The following KLHL38 variants were observed in gnomAD, a reference collection of about 807,000 sequenced individuals.
KLHL38 encodes kelch-like protein 38.
In KLHL38, 38 loss-of-function variants were observed where a neutral mutation model predicts 39.6. The ratio of observed to expected loss-of-function variants is 0.96; its 90% CI spans 0.74 to 1.26. The LOEUF (loss-of-function observed/expected upper bound fraction) is 1.26, where lower values mean the gene tolerates loss of function less well. KLHL38 is among the 50% of genes most tolerant of loss of function. KLHL38 has a pLI of 0.00. For missense variants in KLHL38, 803 were observed against 748.1 expected, an observed-to-expected ratio of 1.07 and a Z score of -0.86; for synonymous variants, 322 against 302.2, an observed-to-expected ratio of 1.07 and a Z score of -0.68.
At position 123,645,473 on chromosome 8, in the gene KLHL38, G is replaced by A. The variant is rs924854843; in HGVS notation, c.*266C>T. 1 of 499,284 alleles carries A rather than the reference G, an allele frequency of 2.0e-6. No individual in the cohort carries two copies. The highest frequency in any genetic ancestry group is 3.2e-5 in the East Asian group (1 of 31,538). The allele number at this position is 499,284 out of a possible 1,614,324, so 30.9% of individuals were successfully genotyped here. On this transcript the variant is annotated 3_prime_UTR_variant, in exon 4 of 4. Coordinates refer to ENST00000684634, the MANE Select transcript of KLHL38 (RefSeq NM_001081675.3). ...AAAGAGAGAGAGAGAGAGAGAGAGA[G>A]AGAGAGACAGACAGAGATAGGGGAG...
chr8:123,653,060 C>T (rs1563594503), intron 1 of KLHL38, 133 bp from the exon 2 acceptor site: 1 of 883,564 alleles, frequency 1.1e-6, no homozygotes, highest in Admixed American at 3.0e-5. Context: ...TTGCGGATGT[C>T]ACCATGGATA....
rs924154268 is a variant in KLHL38, at chr8:123,651,602, A to C, written c.1325T>G (p.Met442Arg). The C allele has an allele frequency of 8.8e-6, 14 of 1,597,876 alleles. No individual in the cohort carries two copies. The Admixed American group carries it at 1.7e-4, about 20-fold the overall frequency. ...CTGGATAAGGCGCACAGGGTTCTGC[A>C]TGATGTCCTCTCCTCCAAAGAGATA... ...RLYLFGGEDI[M>R]QNPVRLIQVY... Residue 442 changes from methionine to arginine, a missense_variant, in exon 2 of 4, where the codon ATG (methionine) becomes AGG (arginine). By Grantham distance (91) the Met-to-Arg change is moderately conservative. Coordinates refer to ENST00000684634, the MANE Select transcript of KLHL38 (RefSeq NM_001081675.3).
Position 123,644,541 on chromosome 8 carries a change from A to G in KLHL38, c.*1198T>C, listed in dbSNP as rs564636834. Among the ~76,000 whole-genome samples, 1 of 152,224 alleles carries G rather than the reference A, an allele frequency of 6.6e-6. No individual in the cohort carries two copies. Among genetic ancestry groups the G allele is most frequent in the East Asian group, 1.9e-4 (1 of 5,206 alleles). On this transcript the variant is annotated 3_prime_UTR_variant, in exon 4 of 4. Transcript: ENST00000684634. ...TATCTCTGGAATTTCAATGTACTAC[A>G]TCCATAGAATGCAGAAAAACAAGGT...
Position 123,651,726 on chromosome 8 carries a change from T to C in KLHL38, c.1201A>G (p.Met401Val). ...TTGCAGATGCTGTCATACCTTTCCATGGAGCCCATGAGCTCCTGCCCTTCT... is the reference window on the plus strand; with the variant it reads ...TTGCAGATGCTGTCATACCTTTCCACGGAGCCCATGAGCTCCTGCCCTTCT... ...IGEGQELMGS[M>V]ERYDSICNVW... The change falls in exon 2 of 4, where the codon ATG (methionine) becomes GTG (valine). Residue 401 changes from methionine (M) to valine (V), a missense_variant. Coordinates refer to ENST00000684634, the MANE Select transcript of KLHL38 (RefSeq NM_001081675.3). 5 of 1,614,210 alleles carry C rather than the reference T, an allele frequency of 3.1e-6. No individual in the cohort carries two copies. Among genetic ancestry groups the C allele is most frequent in the Non-Finnish European group, 4.2e-6 (5 of 1,180,026 alleles).
In KLHL38 at chr8:123,644,688, T is replaced by C. The variant is rs538846785; in HGVS notation, c.*1051A>G. Among the ~76,000 whole-genome samples, 1 of 152,232 alleles carries C rather than the reference T, an allele frequency of 6.6e-6. No individual in the cohort carries two copies. Among genetic ancestry groups the C allele is most frequent in the South Asian group, 2.1e-4 (1 of 4,814 alleles). On this transcript the variant is annotated 3_prime_UTR_variant, in exon 4 of 4. Coordinates refer to ENST00000684634, the MANE Select transcript of KLHL38 (RefSeq NM_001081675.3). The stretch of plus-strand genomic sequence containing the variant: ...GGCAGATGTGGTTTTTGTCTGGATT[T>C]CTCTCTTTGGGGAAATGCTTCTAAC...
rs375513752 is a variant in KLHL38, at chr8:123,652,781, C to A, written c.146G>T (p.Arg49Leu). The A allele has an allele frequency of 5.0e-6, 8 of 1,613,982 alleles. No homozygotes were observed. The highest frequency in any genetic ancestry group is 6.8e-6 in the Non-Finnish European group (8 of 1,180,022). ...CAGAREIPCH[R>L]NVLASSSPYF... ...GGGGCTGCTGGAGGCCAGCACGTTGCGGTGGCAGGGGATCTCCCGGGCACC... is the reference window on the plus strand; with the variant it reads ...GGGGCTGCTGGAGGCCAGCACGTTGAGGTGGCAGGGGATCTCCCGGGCACC... Residue 49 changes from arginine to leucine, a missense_variant, in exon 2 of 4, where the codon CGC becomes CTC. Coordinates refer to ENST00000684634, the MANE Select transcript of KLHL38 (RefSeq NM_001081675.3).
At chr8:123,648,551 T>C (rs1251968092) in intron 2 of KLHL38, among the ~76,000 whole-genome samples, 1 of 152,242 alleles carries the variant, frequency 6.6e-6, no homozygotes, top group Non-Finnish European at 1.5e-5. Flanking sequence ...TTTACTTGAA[T>C]GAATAATTGC....
intron 2 of KLHL38, among the ~76,000 whole-genome samples, chr8:123,649,221 G>A (rs1812589840): frequency 6.6e-6 from 1 of 152,150 alleles, no homozygotes; most frequent in South Asian, 2.1e-4. Context: ...AAAAGAAGGA[G>A]GGGCTCCAGC....
intron 3 of KLHL38, among the ~76,000 whole-genome samples, 160 bp from the exon 4 acceptor site, chr8:123,646,188 G>A (rs955458904): frequency 6.6e-6 from 1 of 152,230 alleles, no homozygotes; most frequent in African/African-American, 2.4e-5. Context: ...GGCCTGCTTT[G>A]TGGCAGAGTG....
In KLHL38 at chr8:123,651,845, T is replaced by C. The variant is rs746843693; in HGVS notation, c.1082A>G (p.Asn361Ser). ...HNVYIFSLKL[N>S]QWRLGEPMLV... ...CATGGGCTCCCCCAGCCTCCACTGA[T>C]TGAGTTTCAGGGAGAAGATGTAGAC... is the stretch of plus-strand genomic sequence containing the variant. Residue 361 changes from asparagine to serine, a missense_variant, in exon 2 of 4, where the codon AAT (asparagine) becomes AGT (serine). Transcript: ENST00000684634. 1.9e-5 allele frequency: 31 copies of C among 1,614,162 alleles called. No individual in the cohort carries two copies. Among genetic ancestry groups the C allele is most frequent in the Middle Eastern group, 1.6e-4 (1 of 6,062 alleles).
In KLHL38 at chr8:123,645,935, G is replaced by C. The variant is rs1818656917; in HGVS notation, c.1550C>G (p.Thr517Arg). ...CACGTAGAGTTTGTTTCCCATCACT[G>C]TGGCCCCATGGTGCATCCTCCGGTC... ...MKDRRMHHGA[T>R]VMGNKLYVTG... is the part of the protein sequence containing the mutation. The change falls in exon 4 of 4, where the codon ACA (threonine) becomes AGA (arginine). Residue 517 changes from threonine to arginine, a missense_variant. Physicochemically the swap from Thr to Arg is moderately conservative, Grantham distance 71. Coordinates refer to ENST00000684634, the MANE Select transcript of KLHL38 (RefSeq NM_001081675.3). The C allele has an allele frequency of 2.5e-6, 4 of 1,614,074 alleles. No homozygotes were observed. Among genetic ancestry groups the C allele is most frequent in the Non-Finnish European group, 3.4e-6 (4 of 1,180,030 alleles).
chr8:123,651,961 C>G lies in KLHL38; in HGVS notation c.966G>C (p.Leu322=), dbSNP rs528393188. The stretch of plus-strand genomic sequence containing the variant: ...GCAAGGTGATGGCAGAGGCCTTGTA[C>G]AGCCGTGTCGGGAGTTTGGCAAGGC... The part of the protein sequence containing the change: ...WQSLAKLPTR[L]YKASAITLHR... Residue 322 remains leucine, a synonymous_variant, in exon 2 of 4, where the codon CTG becomes CTC. Coordinates refer to ENST00000684634, the MANE Select transcript of KLHL38 (RefSeq NM_001081675.3). The G allele has an allele frequency of 6.2e-7, 1 of 1,614,258 alleles. No homozygotes were observed. Among genetic ancestry groups the G allele is most frequent in the East Asian group, 2.2e-5 (1 of 44,894 alleles).
rs761841271 is a variant in KLHL38, at chr8:123,652,399, A to G, written c.528T>C (p.Cys176=). The part of the protein sequence containing the change: ...VAASADLKEL[C]ALELRDYLGD... Reference sequence around the variant, plus strand: ...CGAGATAGTCCCTCAACTCCAAGGCACAGAGCTCCTTCAGGTCGGCCGATG... The same window carrying G: ...CGAGATAGTCCCTCAACTCCAAGGCGCAGAGCTCCTTCAGGTCGGCCGATG... Residue 176 remains cysteine, a synonymous_variant, in exon 2 of 4, where the codon TGT becomes TGC. Coordinates refer to ENST00000684634, the MANE Select transcript of KLHL38 (RefSeq NM_001081675.3). The G allele has an allele frequency of 6.2e-7, 1 of 1,614,032 alleles. No homozygotes were observed. The highest frequency in any genetic ancestry group is 1.1e-5 in the South Asian group (1 of 91,074).
intron 2 of KLHL38, among the ~76,000 whole-genome samples, chr8:123,648,674 A>T (rs1301326898): frequency 6.6e-6 from 1 of 152,174 alleles, no homozygotes; most frequent in Non-Finnish European, 1.5e-5. Context: ...ATAACAAAGG[A>T]TGATCTTTGA....
chr8:123,652,219 G>A lies in KLHL38; in HGVS notation c.708C>T (p.Ile236=), dbSNP rs758873671. Residue 236 remains isoleucine (I), a synonymous_variant, in exon 2 of 4, where the codon ATC becomes ATT. Transcript: ENST00000684634. The part of the protein sequence containing the change: ...YIHPAFFHHF[I]ANDALLQSSP... ...AGGACTGCAGGAGGGCATCGTTGGC[G>A]ATGAAGTGGTGAAAGAAGGCTGGGT... The A allele has an allele frequency of 1.3e-5, 21 of 1,614,106 alleles. No individual in the cohort carries two copies. The highest frequency in any genetic ancestry group is 5.0e-5 in the Admixed American group (3 of 60,014).
At position 123,653,015 on chromosome 8, in the gene KLHL38, C is replaced by G; in HGVS notation, c.-1-88G>C. The G allele has an allele frequency of 1.6e-6, 2 of 1,286,822 alleles. 1 individual carries two copies. The highest frequency in any genetic ancestry group is 4.8e-5 in the East Asian group (2 of 41,370). The allele number at this position is 1,286,822 out of a possible 1,614,324, so 79.7% of individuals were successfully genotyped here. ...CTGGAGGGTTCAGCTGTGGGGACTCCAAGACCAGTGCTCCTATTCCATTCC... is the reference window on the plus strand; with the variant it reads ...CTGGAGGGTTCAGCTGTGGGGACTCGAAGACCAGTGCTCCTATTCCATTCC... On this transcript the variant is annotated intron_variant, in intron 1 of 3. Coordinates refer to ENST00000684634, the MANE Select transcript of KLHL38 (RefSeq NM_001081675.3).
Position 123,652,355 on chromosome 8 carries a change from C to G in KLHL38, c.572G>C (p.Gly191Ala). Residue 191 changes from glycine (G) to alanine (A), a missense_variant, in exon 2 of 4, where the codon GGG becomes GCG. Transcript: ENST00000684634. ...RDYLGDDGLCGEEEKVFEALM... is the reference protein window; with the variant it reads ...RDYLGDDGLCAEEEKVFEALM... ...GGCCTCAAACACCTTTTCCTCCTCC[C>G]CACAGAGCCCATCATCTCCGAGATA... 6.2e-7 allele frequency: 1 copy of G among 1,613,898 alleles called. No individual in the cohort carries two copies. Among genetic ancestry groups the G allele is most frequent in the Non-Finnish European group, 8.5e-7 (1 of 1,180,024 alleles).
chr8:123,653,023 G>T, intron 1 of KLHL38, 96 bp from the exon 2 acceptor site: 2 of 1,225,072 alleles, frequency 1.6e-6, no homozygotes, highest in Non-Finnish European at 1.1e-6. Flanking sequence ...TCCAAGACCA[G>T]TGCTCCTATT....
In KLHL38 at chr8:123,652,635, G is replaced by GCT; in HGVS notation, c.291_292insAG (p.His98SerfsTer11). 1 of 1,614,120 alleles carries GCT rather than the reference G, an allele frequency of 6.2e-7. No homozygotes were observed. The highest frequency in any genetic ancestry group is 8.5e-7 in the Non-Finnish European group (1 of 1,179,972). On this transcript the variant is annotated frameshift_variant, in exon 2 of 4. Coordinates refer to ENST00000684634, the MANE Select transcript of KLHL38 (RefSeq NM_001081675.3). LOFTEE classifies it high-confidence loss of function. ...GGGAGGACATTGTCAGTGGCAATAT[G>GCT]TGCCTCCCCCGTATACACGTAGGAG...
Sources: gnomAD v4.1 joint callset for allele counts (sites outside exome capture counted in the v4.1 genomes callset) on GRCh38, gnomAD v4.1.1 for gene constraint, MANE v1.5 for transcripts, NCBI Gene and HGNC (gene_info 2026-07-23, HGNC 2026-07-21) for gene names.